The following LINGO2 variants were observed in gnomAD, a reference collection of about 807,000 sequenced individuals.
LINGO2 encodes leucine rich repeat and Ig domain containing 2, also known as leucine-rich repeat and immunoglobulin-like domain-containing nogo receptor-interacting protein 2.
In LINGO2, 14 loss-of-function variants were observed where a neutral mutation model predicts 30.6. The observed-to-expected ratio is 0.46, with a 90% CI of 0.30 to 0.72. LINGO2 has a LOEUF of 0.72. Among genes scored for constraint, LINGO2 ranks in the 30% least tolerant of loss-of-function variants. The pLI is 0.07. For missense variants in LINGO2, 729 were observed against 751.7 expected, an observed-to-expected ratio of 0.97 and a Z score of 0.35; for synonymous variants, 317 against 288.5, an observed-to-expected ratio of 1.10 and a Z score of -1.00.
At chr9:29,101,113 G>C in the LINGO2 span, among the ~76,000 whole-genome samples, 1 of 152,124 alleles carries the variant, frequency 6.6e-6, no homozygotes, top group African/African-American at 2.4e-5. Context: ...ATGCCTAAAA[G>C]ATGTCATAAC....
chr9:28,589,045 A>C (rs1824723910), intron 1 of LINGO2, among the ~76,000 whole-genome samples: 1 of 152,178 alleles, frequency 6.6e-6, no homozygotes, highest in African/African-American at 2.4e-5. Flanking sequence ...ACCGAAGACA[A>C]AAACCACATG....
the LINGO2 span, among the ~76,000 whole-genome samples, chr9:28,848,045 GTATA>G: frequency 0.02 from 356 of 17,816 alleles, 79 homozygotes; most frequent in South Asian, 0.047. Flanking sequence ...ACTATATATA[GTATA>G]TATATATATA....
upstream of LINGO2, among the ~76,000 whole-genome samples, chr9:28,670,862 G>A (rs1057272897): frequency 3.3e-5 from 5 of 152,130 alleles, no homozygotes; most frequent in Admixed American, 2.6e-4. Context: ...TCCTCAGGGA[G>A]ACATAGAAAA....
At chr9:28,044,062 C>G (rs1013147652) in intron 4 of LINGO2, among the ~76,000 whole-genome samples, 6 of 152,166 alleles carry the variant, frequency 3.9e-5, no homozygotes, top group South Asian at 4.1e-4. Context: ...TTAGATCTGT[C>G]TTTAAAACTT....
At chr9:28,024,833 T>C (rs537454931) in intron 4 of LINGO2, among the ~76,000 whole-genome samples, 9 of 152,250 alleles carry the variant, frequency 5.9e-5, no homozygotes, top group African/African-American at 2.2e-4. Context: ...AAATGTTGCA[T>C]CTGAGCAGCA....
the LINGO2 span, among the ~76,000 whole-genome samples, chr9:29,047,051 A>AAAAAAAAC: frequency 9.4e-6 from 1 of 106,908 alleles, no homozygotes; most frequent in African/African-American, 3.3e-5. Flanking sequence ...AAAAAAAAAA[A>AAAAAAAAC]CCAAAAACAA....
the LINGO2 span, among the ~76,000 whole-genome samples, chr9:28,839,356 A>G: frequency 5.3e-4 from 80 of 152,290 alleles, no homozygotes; most frequent in African/African-American, 1.7e-3. Context: ...AGGAGACAGG[A>G]GACCCGAAGT....
chr9:28,197,035 C>A (rs1176395611), intron 4 of LINGO2, among the ~76,000 whole-genome samples: 1 of 151,852 alleles, frequency 6.6e-6, no homozygotes, highest in African/African-American at 2.4e-5. Flanking sequence ...TTCAAAGTAA[C>A]TAAAAGAGTG....
At chr9:28,703,190 C>T in the LINGO2 span, among the ~76,000 whole-genome samples, 3 of 151,292 alleles carry the variant, frequency 2.0e-5, no homozygotes, top group Non-Finnish European at 4.4e-5. Flanking sequence ...TTTTTTATAA[C>T]GTTCTAAGGT....
intron 2 of LINGO2, among the ~76,000 whole-genome samples, chr9:28,446,874 A>G (rs1031582577): frequency 6.6e-6 from 1 of 152,228 alleles, no homozygotes; most frequent in African/African-American, 2.4e-5. Flanking sequence ...CAGGAATACC[A>G]TAAATGACAG....
intron 5 of LINGO2, among the ~76,000 whole-genome samples, chr9:27,999,750 GGA>G (rs1263118585): frequency 6.6e-6 from 1 of 152,074 alleles, no homozygotes. Flanking sequence ...CTATAGATTA[GGA>G]GAGAGGTAGA....
chr9:28,184,903 T>C (rs1262562301), intron 4 of LINGO2, among the ~76,000 whole-genome samples: 2 of 152,072 alleles, frequency 1.3e-5, no homozygotes, highest in Non-Finnish European at 2.9e-5. Flanking sequence ...GAGAGCATAC[T>C]AATGATACGG....
At chr9:28,061,894 T>C (rs1260120730) in intron 4 of LINGO2, among the ~76,000 whole-genome samples, 1 of 152,108 alleles carries the variant, frequency 6.6e-6, no homozygotes, top group Non-Finnish European at 1.5e-5. Flanking sequence ...ATGAATAGTG[T>C]TATAAGAATT....
chr9:29,053,793 T>C, the LINGO2 span, among the ~76,000 whole-genome samples: 1 of 152,104 alleles, frequency 6.6e-6, no homozygotes, highest in South Asian at 2.1e-4. Flanking sequence ...TAATACATAA[T>C]GAAATTTGTA....
intron 4 of LINGO2, among the ~76,000 whole-genome samples, chr9:28,173,356 C>T (rs180944420): frequency 6.6e-6 from 1 of 152,196 alleles, no homozygotes; most frequent in Non-Finnish European, 1.5e-5. Context: ...TACTGAAGGA[C>T]TTGATACTGT....
the LINGO2 span, among the ~76,000 whole-genome samples, chr9:28,884,942 AT>A: frequency 0.03 from 518 of 17,532 alleles, 33 homozygotes; most frequent in Admixed American, 0.15. Flanking sequence ...TATATATAAT[AT>A]ATATAATATA....
chr9:28,089,924 T>C (rs1297227556), intron 4 of LINGO2, among the ~76,000 whole-genome samples: 1 of 152,134 alleles, frequency 6.6e-6, no homozygotes, highest in East Asian at 1.9e-4. Context: ...CATCAGAGAA[T>C]ACTATAAACA....
chr9:28,589,615 A>G (rs966854945), intron 1 of LINGO2, among the ~76,000 whole-genome samples: 1 of 152,174 alleles, frequency 6.6e-6, no homozygotes, highest in African/African-American at 2.4e-5. Context: ...GTTCTCTTCA[A>G]AGAGAACTAC....
At chr9:28,089,172 C>G (rs1826001778) in intron 4 of LINGO2, among the ~76,000 whole-genome samples, 1 of 152,118 alleles carries the variant, frequency 6.6e-6, no homozygotes. Flanking sequence ...AGAAAGTTAA[C>G]AAGGATATCC....
Sources: allele counts gnomAD v4.1 joint callset (sites outside exome capture counted in the v4.1 genomes callset), GRCh38; gene constraint gnomAD v4.1.1; transcripts MANE v1.5; gene names NCBI Gene and HGNC (gene_info 2026-07-23, HGNC 2026-07-21).